The following GPM6A variants were observed in gnomAD, a reference collection of about 807,000 sequenced individuals.
The protein encoded by GPM6A is glycoprotein M6A.
Under a neutral mutation model 32.1 loss-of-function variants are expected in GPM6A, and 7 were observed. That is an observed-to-expected ratio of 0.22 (90% CI 0.12 to 0.41). The LOEUF is 0.41. GPM6A is among the 10% of genes least tolerant of loss of function. The pLI, the probability that GPM6A is intolerant of heterozygous loss-of-function variation, is 1.00. For missense variants in GPM6A, 235 were observed against 347.2 expected, an observed-to-expected ratio of 0.68 and a Z score of 2.57; for synonymous variants, 130 against 123.4, an observed-to-expected ratio of 1.05 and a Z score of -0.35.
chr4:175,761,937 G>A (rs1253963165), intron 1 of GPM6A, among the ~76,000 whole-genome samples: 1 of 151,972 alleles, frequency 6.6e-6, no homozygotes, highest in Non-Finnish European at 1.5e-5. Flanking sequence ...TACGATTACA[G>A]GCATGCACCA....
rs552362534 is a variant in GPM6A, at chr4:175,722,285, C to T, written c.38-20518G>A. On this transcript the variant is annotated intron_variant, in intron 1 of 6. Coordinates refer to ENST00000393658, the MANE Select transcript of GPM6A (RefSeq NM_201591.3). The stretch of plus-strand genomic sequence containing the variant: ...AGCTGGGTGATGAGAGAGTGGAAGT[C>T]GTCCAGTGACCCTCAAACAGACCAC... 9.2e-5 allele frequency among the ~76,000 whole-genome samples: 14 copies of T among 151,862 alleles called. No homozygotes were observed. The South Asian group carries it at 1.5e-3, about 16-fold the overall frequency.
chr4:175,807,285 A>C (rs1467222561), intron 1 of GPM6A: 12 of 152,220 alleles, frequency 7.9e-5, no homozygotes, highest in Non-Finnish European at 1.2e-4. Flanking sequence ...ACACTAAAGA[A>C]AGACTGGTGT....
intron 1 of GPM6A, among the ~76,000 whole-genome samples, chr4:175,992,228 G>A (rs902709788): frequency 1.4e-4 from 21 of 151,994 alleles, no homozygotes; most frequent in African/African-American, 4.4e-4. Flanking sequence ...AGTAATGTGC[G>A]TGTAGCCTAA....
intron 1 of GPM6A, among the ~76,000 whole-genome samples, chr4:175,842,817 T>C (rs954381219): frequency 6.6e-6 from 1 of 152,078 alleles, no homozygotes; most frequent in Non-Finnish European, 1.5e-5. Context: ...ATATTGACCT[T>C]ATAGGTCAAT....
intron 1 of GPM6A, among the ~76,000 whole-genome samples, chr4:175,765,268 T>C (rs1732918159): frequency 6.6e-6 from 1 of 152,142 alleles, no homozygotes; most frequent in African/African-American, 2.4e-5. Context: ...CTCCCACTTT[T>C]CTTTATTATC....
intron 1 of GPM6A, among the ~76,000 whole-genome samples, chr4:175,901,740 T>C (rs894216827): frequency 2.0e-5 from 3 of 149,840 alleles, no homozygotes; most frequent in Non-Finnish European, 4.4e-5. Flanking sequence ...AATTCTCCTA[T>C]CTCAGCCTCC....
Position 175,824,116 on chromosome 4 carries a change from C to T in GPM6A, c.-22-11867G>A, listed in dbSNP as rs147227439. 7.2e-5 allele frequency among the ~76,000 whole-genome samples: 11 copies of T among 152,266 alleles called. No homozygotes were observed. In the East Asian group the frequency reaches 1.2e-3, roughly 16 times the overall value. On this transcript the variant is annotated intron_variant, in intron 1 of 7. Transcript: ENST00000280187. The stretch of plus-strand genomic sequence containing the variant: ...ACATCCTGGGTGTTCCAGAAACACC[C>T]GGAAAACATTTTCTCAAGGATGTTT...
intron 1 of GPM6A, among the ~76,000 whole-genome samples, chr4:175,722,313 AAGAGAAAAACTCCTTATCT>A (rs1483848422): frequency 6.6e-6 from 1 of 151,914 alleles, no homozygotes; most frequent in African/African-American, 2.4e-5. Flanking sequence ...CAGACCACCG[AAGAGAAAAACTCCTTATCT>A]GAGGAATTTA....
intron 1 of GPM6A, among the ~76,000 whole-genome samples, chr4:175,940,555 A>T (rs1739373580): frequency 6.6e-6 from 1 of 152,182 alleles, no homozygotes; most frequent in South Asian, 2.1e-4. Flanking sequence ...CTATGAAATT[A>T]TAGTAAAAGT....
At chr4:175,929,863 G>A (rs116789097) in intron 1 of GPM6A, among the ~76,000 whole-genome samples, 329 of 152,286 alleles carry the variant, frequency 2.2e-3, no homozygotes, top group African/African-American at 7.2e-3. Flanking sequence ...GGAGGATGAT[G>A]AAGATATCCA....
intron 4 of GPM6A, 189 bp from the exon 5 acceptor site, chr4:175,641,018 G>C: frequency 1.8e-6 from 1 of 565,830 alleles, no homozygotes. Context: ...TAATATGCAA[G>C]ACTATTTAGC....
At chr4:175,795,749 A>C (rs910429335) in intron 1 of GPM6A, 3 of 152,192 alleles carry the variant, frequency 2.0e-5, no homozygotes, top group African/African-American at 7.2e-5. Context: ...ACCCTGTCTC[A>C]AAATAAAATG....
chr4:175,774,219 G>A (rs1733305864), intron 1 of GPM6A, among the ~76,000 whole-genome samples: 1 of 151,972 alleles, frequency 6.6e-6, no homozygotes, highest in Non-Finnish European at 1.5e-5. Context: ...CAAGTCCAGT[G>A]GAAGGAAATT....
At chr4:175,976,677 G>A (rs930885379) in intron 1 of GPM6A, among the ~76,000 whole-genome samples, 2 of 152,126 alleles carry the variant, frequency 1.3e-5, no homozygotes, top group African/African-American at 2.4e-5. Context: ...ACAGATGAAC[G>A]GTCCACTAAT....
At chr4:175,950,970 G>T (rs1739788156) in intron 1 of GPM6A, among the ~76,000 whole-genome samples, 1 of 152,078 alleles carries the variant, frequency 6.6e-6, no homozygotes, top group Non-Finnish European at 1.5e-5. Flanking sequence ...TATAGTATTT[G>T]TAAGACTTTT....
intron 1 of GPM6A, among the ~76,000 whole-genome samples, chr4:175,964,076 G>A (rs1193044191): frequency 2.0e-5 from 3 of 150,140 alleles, no homozygotes; most frequent in Non-Finnish European, 4.5e-5. Flanking sequence ...AACCAGAAAA[G>A]ACAGAAAAAC....
chr4:175,711,451 T>C (rs1185971703), intron 1 of GPM6A, among the ~76,000 whole-genome samples: 14 of 41,396 alleles, frequency 3.4e-4, no homozygotes, highest in Non-Finnish European at 7.6e-4. Flanking sequence ...TATATATATA[T>C]ATATATACAC....
chr4:175,946,722 T>C (rs972709368), intron 1 of GPM6A, among the ~76,000 whole-genome samples: 2 of 152,152 alleles, frequency 1.3e-5, no homozygotes, highest in Non-Finnish European at 2.9e-5. Context: ...GGCAGGACGA[T>C]GCCAGGCTAC....
At chr4:175,789,429 G>GTA (rs1248181721) in intron 1 of GPM6A, among the ~76,000 whole-genome samples, 3 of 152,138 alleles carry the variant, frequency 2.0e-5, no homozygotes, top group Non-Finnish European at 4.4e-5. Flanking sequence ...TGCAGAAGCT[G>GTA]TAAATCCATT....
Sources: gnomAD v4.1 joint callset for allele counts (sites outside exome capture counted in the v4.1 genomes callset) on GRCh38, gnomAD v4.1.1 for gene constraint, MANE v1.5 for transcripts, NCBI Gene and HGNC (gene_info 2026-07-23, HGNC 2026-07-21) for gene names.